SGSH: variants seen among roughly 807,000 people sequenced by gnomAD.
SGSH encodes N-sulfoglucosamine sulfohydrolase.
A neutral mutation model predicts 51.0 loss-of-function variants in SGSH; 48 were observed. That is an observed-to-expected ratio of 0.94 (90% confidence interval 0.75 to 1.20). The LOEUF is 1.20. SGSH is among the 50% of genes most tolerant of loss of function. The probability of loss-of-function intolerance (pLI) is 0.00; values close to 1 mark genes in which losing one functional copy is unlikely to be tolerated. For missense variants in SGSH, 662 were observed against 717.8 expected (o/e 0.92, Z 0.89); for synonymous variants, 321 against 313.4 (o/e 1.02, Z -0.26).
chr17:80,201,214 C>G, the SGSH span: 1 of 158,844 alleles, frequency 6.3e-6, no homozygotes, highest in Non-Finnish European at 1.4e-5. This position sits in a 1 kb window ranked among gnomAD's most constrained non-coding sequence, Gnocchi z 5.0. Context: ...CTCTCCTAAG[C>G]TTAGAACAAT....
In SGSH at chr17:80,220,209, G is replaced by C. The variant is rs1304234624; in HGVS notation, c.88+17C>G. ...GGCCACCGCAGGTGGGCGTGGGGGG[G>C]CGGCGCCGGCACTCACCGAGGAGCA... On this transcript the variant is annotated intron_variant, in intron 1 of 7. Transcript: ENST00000326317. 1 of 1,505,866 alleles carries C rather than the reference G, an allele frequency of 6.6e-7. No homozygotes were observed. Among genetic ancestry groups the C allele is most frequent in the Non-Finnish European group, 8.8e-7 (1 of 1,130,752 alleles). 93.3% of individuals were successfully genotyped at this position (1,505,866 alleles called of 1,614,324 possible). A position where few individuals can be genotyped will look rare whatever the true frequency, so the allele number is the denominator to read the frequency against.
chr17:80,216,859 G>A (rs1017589100), intron 2 of SGSH, 173 bp downstream of exon 2: 32 of 651,826 alleles, frequency 4.9e-5, no homozygotes, highest in Non-Finnish European at 7.5e-5. Flanking sequence ...CGGGTGAGTC[G>A]GAGCCCCTAG....
rs1435799999 is a variant in SGSH at position 80,210,935 on chromosome 17, G to C, written c.1026C>G (p.His342Gln). The change falls in exon 8 of 8, where the codon CAC (histidine) becomes CAG (glutamine). Residue 342 changes from histidine (H) to glutamine (Q), a missense_variant. Coordinates refer to ENST00000326317, the MANE Select transcript of SGSH (RefSeq NM_000199.5). ...CCGGCAGGAGGGACCGGCCAGTGAG[G>C]TGGATGGTCTTCGAGCCAAAGATGG... ...SYAIFGSKTIHLTGRSLLPAL... is the reference protein window; with the variant it reads ...SYAIFGSKTIQLTGRSLLPAL... 1 of 1,607,232 alleles carries C rather than the reference G, an allele frequency of 6.2e-7. No homozygotes were observed. Among genetic ancestry groups the C allele is most frequent in the Non-Finnish European group, 8.5e-7 (1 of 1,179,948 alleles).
rs772732363 is a variant in SGSH, at chr17:80,215,039, G to A, written c.349C>T (p.Arg117Cys). 46 of 1,609,748 alleles carry A rather than the reference G, an allele frequency of 2.9e-5. No homozygotes were observed. The highest frequency in any genetic ancestry group is 3.3e-4 in the Middle Eastern group (2 of 6,060). The change falls in exon 3 of 8, where the codon CGC becomes TGC. Residue 117 changes from arginine (R) to cysteine (C), a missense_variant. Coordinates refer to ENST00000326317, the MANE Select transcript of SGSH (RefSeq NM_000199.5). Reference protein sequence around the residue: ...LPLLLSQAGVRTGIIGKKHVG... With the variant: ...LPLLLSQAGVCTGIIGKKHVG... Reference sequence around the variant, plus strand: ...CTCGGCACGGGGTCCTCACCTGTGCGCACACCAGCTTGGCTGAGCAGCAGC... The same window carrying A: ...CTCGGCACGGGGTCCTCACCTGTGCACACACCAGCTTGGCTGAGCAGCAGC...
chr17:80,211,971 G>T, intron 7 of SGSH, 100 bp downstream of exon 7: 2 of 941,282 alleles, frequency 2.1e-6, no homozygotes, highest in African/African-American at 1.6e-5. Flanking sequence ...TGATATGAGA[G>T]CCACATTAGG....
Position 80,220,207 on chromosome 17 carries a change from G to T in SGSH, c.88+19C>A. On this transcript the variant is annotated intron_variant, in intron 1 of 7. Coordinates refer to ENST00000326317, the MANE Select transcript of SGSH (RefSeq NM_000199.5). ...CGGGCCACCGCAGGTGGGCGTGGGG[G>T]GGCGGCGCCGGCACTCACCGAGGAG... 6.6e-7 allele frequency: 1 copy of T among 1,503,794 alleles called. No homozygotes were observed. The highest frequency in any genetic ancestry group is 2.6e-5 in the East Asian group (1 of 38,730). 93.2% of individuals were successfully genotyped at this position (1,503,794 alleles called of 1,614,324 possible). A position where few individuals can be genotyped will look rare whatever the true frequency, so the allele number is the denominator to read the frequency against.
At chr17:80,202,477 C>A (rs922885202), downstream of SGSH, 1 of 1,580,106 alleles carries the variant, frequency 6.3e-7, no homozygotes, top group Non-Finnish European at 8.6e-7. Context: ...GGAAATGGCA[C>A]CCAGCCTGCC....
At position 80,210,210 on chromosome 17, in the gene SGSH, G is replaced by A. The variant is rs538196345; in HGVS notation, c.*242C>T. On this transcript the variant is annotated 3_prime_UTR_variant, in exon 8 of 8. Coordinates refer to ENST00000326317, the MANE Select transcript of SGSH (RefSeq NM_000199.5). ...ATGGTTCAGACACAAGGACAACTGT[G>A]TCCCCTGCCATGACGGCAGTGCCCC... The A allele has an allele frequency of 3.0e-5, 43 of 1,414,834 alleles. No homozygotes were observed. The East Asian group carries it at 9.8e-4, about 32-fold the overall frequency. The allele number at this position is 1,414,834 out of a possible 1,614,324, so 87.6% of individuals were successfully genotyped here. A position where few individuals can be genotyped will look rare whatever the true frequency, so the allele number is the denominator to read the frequency against.
At chr17:80,211,032 C>A in intron 7 of SGSH, 21 bp from the exon 8 acceptor site, 1 of 1,597,944 alleles carries the variant, frequency 6.3e-7, no homozygotes, top group South Asian at 1.1e-5. Context: ...CGCGGCATCT[C>A]AGAGCAGCAG....
intron 3 of SGSH, 116 bp downstream of exon 3, chr17:80,214,917 G>A: frequency 7.7e-7 from 1 of 1,291,634 alleles, no homozygotes; most frequent in Non-Finnish European, 1.1e-6. Context: ...TGGGACAAGA[G>A]CTAAGGGCAG....
At chr17:80,211,131 G>C in intron 7 of SGSH, 120 bp from the exon 8 acceptor site, 1 of 1,531,416 alleles carries the variant, frequency 6.5e-7, no homozygotes, top group Non-Finnish European at 8.7e-7. Flanking sequence ...AGCAGCGGGA[G>C]GTGCCTTGTC....
At chr17:80,214,573 T>C in intron 4 of SGSH, 42 bp downstream of exon 4, 1 of 1,594,298 alleles carries the variant, frequency 6.3e-7, no homozygotes, top group South Asian at 1.1e-5. Flanking sequence ...TGTGCTCTGG[T>C]ACCGGCCGCC....
At chr17:80,205,085 A>T, downstream of SGSH, 2 of 1,612,778 alleles carry the variant, frequency 1.2e-6, no homozygotes, top group Non-Finnish European at 1.7e-6. Flanking sequence ...GGTGCCCTAT[A>T]CCCTGGTGCG....
chr17:80,208,416 A>G, downstream of SGSH: 1 of 1,380,636 alleles, frequency 7.2e-7, no homozygotes, highest in Non-Finnish European at 9.8e-7. Flanking sequence ...TCCTCAGCCC[A>G]GGCCCTCTTG....
downstream of SGSH, chr17:80,207,511 T>C: frequency 6.2e-6 from 1 of 161,374 alleles, no homozygotes; most frequent in Non-Finnish European, 1.4e-5. Flanking sequence ...ATCGCGCCAC[T>C]GCACTCCAGC....
chr17:80,212,339 T>C lies in SGSH; in HGVS notation c.746-65A>G. 1 of 1,388,608 alleles carries C rather than the reference T, an allele frequency of 7.2e-7. No individual in the cohort carries two copies. Among genetic ancestry groups the C allele is most frequent in the Non-Finnish European group, 1.0e-6 (1 of 999,178 alleles). 86.0% of individuals were successfully genotyped at this position (1,388,608 alleles called of 1,614,324 possible). A position where few individuals can be genotyped will look rare whatever the true frequency, so the allele number is the denominator to read the frequency against. ...ACGGAGGGAGGCAGCGGGTGGTGTGTGTAGACCCACCTGCTGCTGCATCCG... is the reference window on the plus strand; with the variant it reads ...ACGGAGGGAGGCAGCGGGTGGTGTGCGTAGACCCACCTGCTGCTGCATCCG... On this transcript the variant is annotated intron_variant, in intron 6 of 7. Coordinates refer to ENST00000326317, the MANE Select transcript of SGSH (RefSeq NM_000199.5). This position sits in a 1 kb window ranked among gnomAD's most constrained non-coding sequence, Gnocchi z 5.9.
At chr17:80,203,839 T>C (rs773831309), downstream of SGSH, 2 of 1,587,536 alleles carry the variant, frequency 1.3e-6, no homozygotes, top group South Asian at 1.2e-5. This position sits in a 1 kb window ranked among gnomAD's most constrained non-coding sequence, Gnocchi z 4.6. Context: ...CAGCAGCTCA[T>C]AGCCCTCATC....
chr17:80,210,785 G>A lies in SGSH; in HGVS notation c.1176C>T (p.Phe392=), dbSNP rs1286662072. 1.9e-6 allele frequency: 3 copies of A among 1,613,956 alleles called. No individual in the cohort carries two copies. Among genetic ancestry groups the A allele is most frequent in the African/African-American group, 2.7e-5 (2 of 74,916 alleles). ...CCTGGTCGATGGGAAAGGGCATCTT[G>A]AAGTTGAGGTTGTGCACGAGGCGGA... ...RHFRLVHNLN[F]KMPFPIDQDF... The change falls in exon 8 of 8, where the codon TTC becomes TTT. Residue 392 remains phenylalanine (F), a synonymous_variant. Transcript: ENST00000326317.
chr17:80,214,710 C>T lies in SGSH; in HGVS notation c.411G>A (p.Ala137=), dbSNP rs142557761. 4,626 of 1,613,224 alleles carry T rather than the reference C, an allele frequency of 2.9e-3. 11 individuals carry two copies. Among genetic ancestry groups the T allele is most frequent in the Non-Finnish European group, 3.4e-3 (4,042 of 1,179,960 alleles). ...GPETVYPFDF[A]YTEENGSVLQ... ...GGACGGAGCCATTCTCCTCCGTGTA[C>T]GCAAAGTCAAACGGGTACACGGTCT... The change falls in exon 4 of 8, where the codon GCG becomes GCA. Residue 137 remains alanine, a synonymous_variant. Coordinates refer to ENST00000326317, the MANE Select transcript of SGSH (RefSeq NM_000199.5).
Sources: gnomAD v4.1 joint callset for allele counts on GRCh38, gnomAD v4.1.1 for gene constraint, Gnocchi (gnomAD v3.1) non-coding constraint, MANE v1.5 for transcripts, NCBI Gene and HGNC (gene_info 2026-07-23, HGNC 2026-07-21) for gene names.